DMD: variants seen among roughly 807,000 people sequenced by gnomAD.
DMD encodes dystrophin, also known as mutant dystrophin.
Under a neutral mutation model 330.1 loss-of-function variants are expected in DMD, and 63 were observed. The observed-to-expected ratio is 0.19, with a 90% CI of 0.16 to 0.24. The LOEUF is 0.24. DMD is among the 10% of genes least tolerant of loss of function. DMD has a pLI of 1.00. For synonymous variants in DMD, 1,223 were observed against 959.8 expected (o/e 1.27, Z -5.07); for missense variants, 3,344 against 2,684.1 (o/e 1.25, Z -5.43).
intron 13 of DMD, among the ~76,000 whole-genome samples, chrX:32,591,975 A>ATGCCAGCCCCCTGCTGCCT (rs1242050375): frequency 5.3e-5 from 6 of 112,636 alleles, no homozygotes; most frequent in Non-Finnish European, 7.5e-5. Context: ...CAGTGCTGGC[A>ATGCCAGCCCCCTGCTGCCT]TGCCAGCCCC....
intron 63 of DMD, among the ~76,000 whole-genome samples, chrX:31,244,290 G>T (rs2048627436): frequency 8.9e-6 from 1 of 111,874 alleles, no homozygotes; most frequent in South Asian, 3.7e-4. Context: ...TAAGATATTT[G>T]TGGTAGAAAA....
chrX:32,369,602 G>A (rs1250113838), intron 34 of DMD, among the ~76,000 whole-genome samples: 1 of 110,511 alleles, frequency 9.0e-6, no homozygotes, highest in African/African-American at 3.3e-5. Flanking sequence ...TCCCTTCAGG[G>A]GTAAAGAAAT....
intron 55 of DMD, among the ~76,000 whole-genome samples, chrX:31,544,693 C>A (rs1430083800): frequency 9.0e-6 from 1 of 111,297 alleles, no homozygotes; most frequent in East Asian, 2.8e-4. Context: ...GCTCCTGTGT[C>A]ATGTGAAACT....
chrX:31,783,304 TGA>T (rs2149280557), intron 50 of DMD, among the ~76,000 whole-genome samples: 2 of 112,123 alleles, frequency 1.8e-5, no homozygotes, highest in African/African-American at 6.5e-5. Context: ...GACTCTGCAG[TGA>T]AAACTAAGCA....
In DMD at chrX:32,517,766, A is replaced by G. The variant is rs2045998405; in HGVS notation, c.2292+242T>C. ...TAAAATTGTTAATTTATAGTTAAAT[A>G]ATATGTAAGTTAAGGCAAGTTTATG... On this transcript the variant is annotated intron_variant, in intron 18 of 78. Coordinates refer to ENST00000357033, the MANE Select transcript of DMD (RefSeq NM_004006.3). The G allele has an allele frequency of 9.3e-6, 4 of 429,061 alleles. No homozygotes were observed. In the South Asian group the frequency reaches 1.6e-4, roughly 17 times the overall value. 35.4% of individuals were successfully genotyped at this position (429,061 alleles called of 1,213,427 possible).
intron 1 of DMD, among the ~76,000 whole-genome samples, chrX:33,312,927 A>G (rs2053872487): frequency 9.0e-6 from 1 of 111,350 alleles, no homozygotes; most frequent in Non-Finnish European, 1.9e-5. Flanking sequence ...GCTTGGGGCC[A>G]TTTAAAGCAG....
intron 43 of DMD, among the ~76,000 whole-genome samples, chrX:32,279,200 T>G (rs2097403078): frequency 9.0e-6 from 1 of 111,700 alleles, no homozygotes; most frequent in Non-Finnish European, 1.9e-5. Context: ...GGGACTCCTG[T>G]ACACTGTTGG....
Position 32,076,660 on chromosome X carries a change from T to C in DMD, c.6439-108146A>G, listed in dbSNP as rs189738915. ...TCCCAAAGTGCTGGGATTACAGGCGTGAGCCACCCTGCCCGGCCCATAAGA... is the reference window on the plus strand; with the variant it reads ...TCCCAAAGTGCTGGGATTACAGGCGCGAGCCACCCTGCCCGGCCCATAAGA... On this transcript the variant is annotated intron_variant, in intron 44 of 78. Coordinates refer to ENST00000357033, the MANE Select transcript of DMD (RefSeq NM_004006.3). 6.3e-3 allele frequency among the ~76,000 whole-genome samples: 704 copies of C among 111,745 alleles called. 5 individuals carry two copies. Among genetic ancestry groups the C allele is most frequent in the African/African-American group, 0.021 (648 of 30,769 alleles).
At chrX:31,719,116 T>A (rs1431707291) in intron 52 of DMD, among the ~76,000 whole-genome samples, 3 of 111,763 alleles carry the variant, frequency 2.7e-5, no homozygotes, top group African/African-American at 6.5e-5. Context: ...ACCATTTGTT[T>A]CCTGACTTCT....
At chrX:32,585,350 A>T (rs1601897879) in intron 13 of DMD, among the ~76,000 whole-genome samples, 1 of 112,431 alleles carries the variant, frequency 8.9e-6, no homozygotes, top group East Asian at 2.8e-4. Context: ...AATATTATGT[A>T]TCAATAAACT....
At chrX:32,562,571 T>C (rs186967580) in intron 16 of DMD, among the ~76,000 whole-genome samples, 1 of 112,857 alleles carries the variant, frequency 8.9e-6, no homozygotes, top group African/African-American at 3.2e-5. Flanking sequence ...AAAGAATTTT[T>C]GAAACAATTG....
intron 1 of DMD, among the ~76,000 whole-genome samples, chrX:33,219,912 T>A (rs769630592): frequency 9.0e-6 from 1 of 110,969 alleles, no homozygotes; most frequent in East Asian, 2.9e-4. Flanking sequence ...GTGAAAGAAC[T>A]ATGGACAAAC....
intron 19 of DMD, among the ~76,000 whole-genome samples, chrX:32,493,860 C>T (rs2043234895): frequency 9.0e-6 from 1 of 110,581 alleles, no homozygotes; most frequent in Non-Finnish European, 1.9e-5. Context: ...AGTTAGAAGT[C>T]CATGAAGGGT....
chrX:31,154,747 T>A (rs2037899995), intron 74 of DMD, among the ~76,000 whole-genome samples: 1 of 111,917 alleles, frequency 8.9e-6, no homozygotes, highest in Non-Finnish European at 1.9e-5. Context: ...TCAATACAGA[T>A]GAATATATGT....
intron 1 of DMD, among the ~76,000 whole-genome samples, chrX:33,046,174 C>T (rs1475175001): frequency 9.0e-6 from 1 of 111,167 alleles, no homozygotes; most frequent in African/African-American, 3.3e-5. Flanking sequence ...CCTAACAACT[C>T]CTGAATGTGA....
intron 44 of DMD, among the ~76,000 whole-genome samples, chrX:31,988,429 A>G (rs1049651255): frequency 2.4e-4 from 22 of 92,561 alleles, no homozygotes; most frequent in African/African-American, 1.3e-4. Context: ...AGCCGAGATC[A>G]TGCCACTGCA....
At chrX:31,686,850 T>G (rs2082719025) in intron 52 of DMD, among the ~76,000 whole-genome samples, 1 of 111,077 alleles carries the variant, frequency 9.0e-6, no homozygotes, top group African/African-American at 3.3e-5. Flanking sequence ...GCTAAGGGAG[T>G]GGTTGCACCA....
chrX:31,641,492 A>T (rs1441460539), intron 54 of DMD, among the ~76,000 whole-genome samples: 1 of 88,576 alleles, frequency 1.1e-5, no homozygotes, highest in Admixed American at 1.4e-4. Context: ...AGAGAGCGAG[A>T]CTCCGTCTCA....
At chrX:31,193,285 C>T (rs889561742) in intron 67 of DMD, among the ~76,000 whole-genome samples, 1 of 112,433 alleles carries the variant, frequency 8.9e-6, no homozygotes, top group African/African-American at 3.2e-5. Context: ...TTATGTGGCT[C>T]TCTGGAGAAA....
Sources: allele counts gnomAD v4.1 joint callset (sites outside exome capture counted in the v4.1 genomes callset), GRCh38; gene constraint gnomAD v4.1.1; transcripts MANE v1.5; gene names NCBI Gene and HGNC (gene_info 2026-07-23, HGNC 2026-07-21).